OXR1: variants seen among roughly 807,000 people sequenced by gnomAD.
OXR1 encodes the protein oxidation resistance 1.
Under a neutral mutation model 104.6 loss-of-function variants are expected in OXR1, and 41 were observed. The ratio of observed to expected loss-of-function variants is 0.39; its 90% confidence interval spans 0.31 to 0.51. The LOEUF is 0.51. Among genes scored for constraint, OXR1 ranks in the 20% least tolerant of loss-of-function variants. The pLI is 0.77. For missense variants in OXR1, 955 were observed against 1,031.9 expected, an observed-to-expected ratio of 0.93 and a Z score of 1.02; for synonymous variants, 348 against 348.4, an observed-to-expected ratio of 1.00 and a Z score of 0.01.
chr8:106,732,465 A>G (rs1006201701), intron 11 of OXR1, among the ~76,000 whole-genome samples: 18 of 152,112 alleles, frequency 1.2e-4, no homozygotes, highest in African/African-American at 4.3e-4. Context: ...CCTTGCTCCC[A>G]GTCTTAGTGT....
At chr8:106,550,977 A>AAT (rs1815755311) in intron 3 of OXR1, among the ~76,000 whole-genome samples, 1 of 152,198 alleles carries the variant, frequency 6.6e-6, no homozygotes, top group Admixed American at 6.5e-5. Flanking sequence ...TCAGCTATCT[A>AAT]GACCTGAGAG....
At chr8:106,577,482 C>T (rs956528645) in intron 3 of OXR1, among the ~76,000 whole-genome samples, 9 of 148,882 alleles carry the variant, frequency 6.0e-5, no homozygotes, top group South Asian at 2.1e-4. Flanking sequence ...CTCCGCCTCC[C>T]GGGTTCACAC....
chr8:106,402,279 A>G (rs1818031793), intron 2 of OXR1, among the ~76,000 whole-genome samples: 1 of 152,180 alleles, frequency 6.6e-6, no homozygotes, highest in Non-Finnish European at 1.5e-5. Context: ...TGATGATGGC[A>G]CTAATCTTTG....
At chr8:106,430,650 A>G (rs736260) in intron 2 of OXR1, among the ~76,000 whole-genome samples, 8,523 of 152,206 alleles carry the variant, frequency 0.056, 852 homozygotes, top group African/African-American at 0.19. Context: ...TCTTCCTATC[A>G]TGGTCTTCCA....
intron 2 of OXR1, among the ~76,000 whole-genome samples, chr8:106,436,970 G>C (rs571657686): frequency 6.6e-6 from 1 of 152,148 alleles, no homozygotes; most frequent in Non-Finnish European, 1.5e-5. Flanking sequence ...AAAAGAAAGG[G>C]GGGTGACTAT....
intron 2 of OXR1, among the ~76,000 whole-genome samples, chr8:106,402,653 A>G (rs1428864954): frequency 6.6e-6 from 1 of 152,122 alleles, no homozygotes; most frequent in Non-Finnish European, 1.5e-5. Context: ...AGGTCTGATT[A>G]TTTCTTTTCC....
chr8:106,381,921 A>G (rs947004830), intron 2 of OXR1, among the ~76,000 whole-genome samples: 1 of 152,214 alleles, frequency 6.6e-6, no homozygotes, highest in Non-Finnish European at 1.5e-5. Flanking sequence ...GGAAATGGTT[A>G]CAAACATTAA....
chr8:106,647,672 T>C (rs1293725103), intron 3 of OXR1, among the ~76,000 whole-genome samples: 1 of 152,226 alleles, frequency 6.6e-6, no homozygotes, highest in Non-Finnish European at 1.5e-5. Context: ...GCTTTATTGA[T>C]TCCATCAGTG....
chr8:106,459,695 G>T (rs1261277445), intron 2 of OXR1, among the ~76,000 whole-genome samples: 3 of 152,162 alleles, frequency 2.0e-5, no homozygotes, highest in Admixed American at 6.5e-5. Context: ...ATCTTGAAAA[G>T]CCCAGGACAT....
At chr8:106,591,352 A>G (rs1819073908) in intron 3 of OXR1, among the ~76,000 whole-genome samples, 1 of 148,742 alleles carries the variant, frequency 6.7e-6, no homozygotes, top group Admixed American at 6.7e-5. Flanking sequence ...CTAAATGACG[A>G]GTTAATGGGT....
intron 3 of OXR1, among the ~76,000 whole-genome samples, chr8:106,627,938 C>T (rs537358311): frequency 6.6e-6 from 1 of 152,332 alleles, no homozygotes; most frequent in East Asian, 1.9e-4. Flanking sequence ...CTTACTATTA[C>T]ACAGAGAGAT....
intron 2 of OXR1, among the ~76,000 whole-genome samples, chr8:106,384,921 G>T (rs1317641984): frequency 6.6e-6 from 1 of 151,808 alleles, no homozygotes; most frequent in Non-Finnish European, 1.5e-5. Flanking sequence ...TACTAGGTTG[G>T]CCAGGCTGGT....
chr8:106,353,735 A>G (rs1277782289), intron 1 of OXR1, among the ~76,000 whole-genome samples: 1 of 152,118 alleles, frequency 6.6e-6, no homozygotes, highest in African/African-American at 2.4e-5. Flanking sequence ...ATCATTTTTT[A>G]TGGTGAGAAC....
chr8:106,750,789 T>C lies in OXR1; in HGVS notation c.2487-17T>C, dbSNP rs1352695478. 4 of 1,539,430 alleles carry C rather than the reference T, an allele frequency of 2.6e-6. No homozygotes were observed. The highest frequency in any genetic ancestry group is 3.5e-6 in the Non-Finnish European group (4 of 1,132,274). The stretch of plus-strand genomic sequence containing the variant: ...TTAAGGCATAAATATTAACAGATTA[T>C]TATTTATGTATTGCAGAGGAGAATT... On this transcript the variant is annotated splice_polypyrimidine_tract_variant and intron_variant, in intron 16 of 16. Coordinates refer to ENST00000517566, the MANE Select transcript of OXR1 (RefSeq NM_001198533.2).
intron 3 of OXR1, among the ~76,000 whole-genome samples, chr8:106,648,566 C>G (rs958219497): frequency 1.3e-5 from 2 of 152,094 alleles, no homozygotes; most frequent in African/African-American, 4.8e-5. Context: ...TAAGATTCCA[C>G]AATTAAAAGA....
intron 2 of OXR1, among the ~76,000 whole-genome samples, chr8:106,466,029 A>G (rs1039175274): frequency 6.6e-6 from 1 of 151,966 alleles, no homozygotes; most frequent in Admixed American, 6.6e-5. Flanking sequence ...GTATTCATCA[A>G]TGTCTCTACT....
intron 2 of OXR1, among the ~76,000 whole-genome samples, chr8:106,431,020 G>C (rs1212572876): frequency 1.3e-5 from 2 of 152,172 alleles, no homozygotes; most frequent in Admixed American, 6.5e-5. Context: ...TGGATCATAA[G>C]AAGCCTTTCA....
At chr8:106,307,952 G>T (rs1813530963) in intron 1 of OXR1, among the ~76,000 whole-genome samples, 1 of 151,420 alleles carries the variant, frequency 6.6e-6, no homozygotes, top group African/African-American at 2.4e-5. Context: ...TCAGAGAAAT[G>T]AAACCAAAAG....
intron 2 of OXR1, among the ~76,000 whole-genome samples, chr8:106,465,616 T>A (rs1404000174): frequency 2.6e-5 from 4 of 151,950 alleles, no homozygotes; most frequent in African/African-American, 9.7e-5. Context: ...TGATAAATTT[T>A]GAAAGTATAC....
Sources: gnomAD v4.1 joint callset for allele counts (sites outside exome capture counted in the v4.1 genomes callset) on GRCh38, gnomAD v4.1.1 for gene constraint, MANE v1.5 for transcripts, NCBI Gene and HGNC (gene_info 2026-07-23, HGNC 2026-07-21) for gene names.